Variants in OTOA observed in about 807,000 individuals in gnomAD.
OTOA encodes cancer/testis antigen 108.
OTOA carries 70 observed loss-of-function variants against 110.8 expected under a neutral mutation model. The observed-to-expected ratio is 0.63, with a 90% confidence interval of 0.52 to 0.77. The LOEUF (loss-of-function observed/expected upper bound fraction) is 0.77. Ranked by LOEUF, OTOA falls within the 30% of genes least tolerant of loss-of-function variation. The pLI, the probability that OTOA is intolerant of heterozygous loss-of-function variation, is 0.00. For synonymous variants in OTOA, 373 were observed against 431.5 expected (o/e 0.86, Z 1.68); for missense variants, 917 against 1,075.8 (o/e 0.85, Z 2.06).
intron 8 of OTOA, among the ~76,000 whole-genome samples, chr16:21,690,695 T>G (rs2141664328): frequency 6.6e-6 from 1 of 152,306 alleles, no homozygotes; most frequent in East Asian, 1.9e-4. Flanking sequence ...TATATATTTT[T>G]GGGTATATAC....
rs775446117 is a variant in OTOA at position 21,700,884 on chromosome 16, C to T, written c.841-4C>T. ...TGATATTCTCGTCCTTGTCCACCAA[C>T]TAGATTGGGCTGTTTATCAGCTATG... On this transcript the variant is annotated splice_polypyrimidine_tract_variant and splice_region_variant and intron_variant, in intron 10 of 28. Transcript: ENST00000646100. 1.9e-6 allele frequency: 3 copies of T among 1,614,044 alleles called. No individual in the cohort carries two copies. Among genetic ancestry groups the T allele is most frequent in the East Asian group, 2.2e-5 (1 of 44,886 alleles).
At chr16:21,678,871 C>G (rs765965770) in intron 2 of OTOA, 44 bp from the exon 3 acceptor site, 2 of 1,605,284 alleles carry the variant, frequency 1.2e-6, no homozygotes, top group African/African-American at 2.7e-5. Flanking sequence ...TTTTGAAGGT[C>G]ACACAATTCA....
intron 7 of OTOA, among the ~76,000 whole-genome samples, chr16:21,686,784 T>C (rs1199093813): frequency 6.6e-6 from 1 of 152,106 alleles, no homozygotes; most frequent in African/African-American, 2.4e-5. Flanking sequence ...TCCCAGCTAC[T>C]TGGGAGGCTG....
chr16:21,708,562 G>A (rs1487419691), intron 12 of OTOA, among the ~76,000 whole-genome samples: 1 of 152,150 alleles, frequency 6.6e-6, no homozygotes, highest in African/African-American at 2.4e-5. Context: ...ATGCCGCTGG[G>A]TGTGCTCCAC....
At chr16:21,720,096 A>C (rs1898682798) in intron 17 of OTOA, among the ~76,000 whole-genome samples, 1 of 151,952 alleles carries the variant, frequency 6.6e-6, no homozygotes, top group Non-Finnish European at 1.5e-5. Flanking sequence ...GCTGGAACTA[A>C]AGGCACACAC....
At chr16:21,705,101 A>C (rs1898132760) in intron 11 of OTOA, 68 bp from the exon 12 acceptor site, 1 of 1,612,702 alleles carries the variant, frequency 6.2e-7, no homozygotes, top group African/African-American at 1.3e-5. Flanking sequence ...TTTATTACAC[A>C]AAATTGAACC....
At chr16:21,682,327 G>A (rs553544171) in intron 6 of OTOA, among the ~76,000 whole-genome samples, 5 of 152,304 alleles carry the variant, frequency 3.3e-5, no homozygotes, top group African/African-American at 9.6e-5. Flanking sequence ...AGGATATGAC[G>A]CAAGTTACAC....
chr16:21,672,123 T>C (rs1966850020), intron 1 of OTOA, among the ~76,000 whole-genome samples: 1 of 152,150 alleles, frequency 6.6e-6, no homozygotes. Flanking sequence ...AATCTAGATA[T>C]TCTAGATAAC....
chr16:21,683,106 G>T (rs1030993881), intron 6 of OTOA, among the ~76,000 whole-genome samples: 5 of 152,092 alleles, frequency 3.3e-5, no homozygotes, highest in Non-Finnish European at 7.3e-5. Flanking sequence ...TCTGCTTTCT[G>T]CCAGGCATAG....
intron 21 of OTOA, among the ~76,000 whole-genome samples, chr16:21,734,786 G>A (rs1350602528): frequency 2.0e-5 from 3 of 151,956 alleles, no homozygotes; most frequent in Admixed American, 6.6e-5. Context: ...GCAGTGAGCC[G>A]AGATCGTGCC....
chr16:21,669,002 G>A (rs749973139), intron 1 of OTOA, among the ~76,000 whole-genome samples: 5 of 151,860 alleles, frequency 3.3e-5, no homozygotes, highest in Non-Finnish European at 5.9e-5. Context: ...TAATTTCTCC[G>A]TAAATTTACT....
intron 1 of OTOA, among the ~76,000 whole-genome samples, chr16:21,677,771 T>G (rs1350334237): frequency 6.6e-6 from 1 of 151,206 alleles, no homozygotes. Flanking sequence ...CGTGAGCCAC[T>G]GCGCCTGGCC....
chr16:21,715,303 C>T (rs1297372350), intron 14 of OTOA, 151 bp downstream of exon 14: 16 of 989,734 alleles, frequency 1.6e-5, no homozygotes, highest in Non-Finnish European at 2.2e-5. Context: ...CCTGGTGGCA[C>T]ACCTTCCTTC....
At chr16:21,698,921 A>G (rs1468427160) in intron 10 of OTOA, among the ~76,000 whole-genome samples, 2 of 152,138 alleles carry the variant, frequency 1.3e-5, no homozygotes, top group African/African-American at 4.8e-5. Flanking sequence ...GAAGTCAAGA[A>G]TAACACTGCT....
chr16:21,665,013 T>TAAAC (rs1555495196), intron 1 of OTOA, among the ~76,000 whole-genome samples: 3,675 of 151,458 alleles, frequency 0.024, 160 homozygotes, highest in African/African-American at 0.082. Context: ...AATAAATAAA[T>TAAAC]AAACAAATAA....
intron 20 of OTOA, 176 bp from the exon 21 acceptor site, chr16:21,730,661 A>C (rs1899085911): frequency 1.7e-6 from 1 of 578,836 alleles, no homozygotes; most frequent in South Asian, 1.9e-5. Flanking sequence ...CCCAGGGATG[A>C]CTCTGATTGG....
chr16:21,715,068 G>C lies in OTOA; in HGVS notation c.1404G>C (p.Lys468Asn). ...STQAFCSMKR[K>N]DISQVLRSAV... Reference sequence around the variant, plus strand: ...AGGCCTTCTGCAGCATGAAACGCAAGGACATCTCGCAGGTCCTGAGAAGTG... The same window carrying C: ...AGGCCTTCTGCAGCATGAAACGCAACGACATCTCGCAGGTCCTGAGAAGTG... Residue 468 changes from lysine (K) to asparagine (N), a missense_variant, in exon 14 of 29, where the codon AAG (lysine) becomes AAC (asparagine). Lys to Asn is a moderately conservative substitution (Grantham distance 94, BLOSUM62 0). Around this residue, in one of 6 missense-constraint regions of OTOA, gnomAD observed 840 missense variants for 910.2 expected, o/e 0.92. Transcript: ENST00000646100. The C allele has an allele frequency of 6.2e-7, 1 of 1,614,198 alleles. No homozygotes were observed. Among genetic ancestry groups the C allele is most frequent in the Non-Finnish European group, 8.5e-7 (1 of 1,180,014 alleles).
At chr16:21,695,883 ATATATATATT>A (rs1175247881) in intron 9 of OTOA, among the ~76,000 whole-genome samples, 3 of 43,792 alleles carry the variant, frequency 6.9e-5, no homozygotes, top group Non-Finnish European at 1.3e-4. Context: ...ATATATATAT[ATATATATATT>A]TTTTTTTTTT....
In OTOA at chr16:21,705,312, C is replaced by A. The variant is rs1284664744; in HGVS notation, c.1104+20C>A. 2 of 1,613,242 alleles carry A rather than the reference C, an allele frequency of 1.2e-6. No individual in the cohort carries two copies. Among genetic ancestry groups the A allele is most frequent in the African/African-American group, 2.7e-5 (2 of 74,896 alleles). On this transcript the variant is annotated intron_variant, in intron 12 of 28. Coordinates refer to ENST00000646100, the MANE Select transcript of OTOA (RefSeq NM_144672.4). ...CAGAAGGTACAGCTGGGGTGCAAGGCCCTGAGGCCTCTGCCTCAGTGTCAC... is the reference window on the plus strand; with the variant it reads ...CAGAAGGTACAGCTGGGGTGCAAGGACCTGAGGCCTCTGCCTCAGTGTCAC...
Sources: allele counts gnomAD v4.1 joint callset (sites outside exome capture counted in the v4.1 genomes callset), GRCh38; gene constraint gnomAD v4.1.1; regional missense constraint gnomAD v4.1.1; transcripts MANE v1.5; gene names NCBI Gene and HGNC (gene_info 2026-07-23, HGNC 2026-07-21).